Variants in FAAH2 observed in about 807,000 individuals in gnomAD.
FAAH2 encodes the protein fatty-acid amide hydrolase 2.
In FAAH2, 60 loss-of-function variants were observed where a neutral mutation model predicts 36.9. The observed-to-expected ratio is 1.63, with a 90% CI of 1.32 to 2.02. The LOEUF (loss-of-function observed/expected upper bound fraction) is 2.02. Among genes scored for constraint, FAAH2 ranks in the 30% most tolerant of loss-of-function variants. FAAH2 has a pLI of 0.00. For synonymous variants in FAAH2, 214 were observed against 143.8 expected (o/e 1.49, Z -3.49); for missense variants, 689 against 397.5 (o/e 1.73, Z -6.23).
intron 7 of FAAH2, among the ~76,000 whole-genome samples, chrX:57,385,615 C>T (rs1282581638): frequency 8.9e-6 from 1 of 111,831 alleles, no homozygotes; most frequent in Non-Finnish European, 1.9e-5. Context: ...GGCCTAATCA[C>T]TTCTTTAGGG....
chrX:57,382,763 A>T (rs1235684319), intron 7 of FAAH2, among the ~76,000 whole-genome samples: 2 of 111,425 alleles, frequency 1.8e-5, no homozygotes, highest in Non-Finnish European at 3.8e-5. Flanking sequence ...AGGAGCTGGT[A>T]CCATTCCTTC....
intron 2 of FAAH2, among the ~76,000 whole-genome samples, chrX:57,300,148 A>T (rs79154063): frequency 0.36 from 39,957 of 110,394 alleles, 6,216 homozygotes; most frequent in Middle Eastern, 0.61. Flanking sequence ...CGCATTGCCA[A>T]GTCAATCCTA....
At chrX:57,211,254 T>C in the FAAH2 span, among the ~76,000 whole-genome samples, 1 of 112,191 alleles carries the variant, frequency 8.9e-6, no homozygotes, top group East Asian at 2.8e-4. Context: ...CACTACCACC[T>C]TTGGAGCCCA....
At chrX:57,351,693 A>G (rs1381861148) in intron 5 of FAAH2, among the ~76,000 whole-genome samples, 1 of 109,210 alleles carries the variant, frequency 9.2e-6, no homozygotes, top group Non-Finnish European at 1.9e-5. Context: ...CTATTATGAA[A>G]ACTGTATGCT....
At chrX:57,191,622 G>T in the FAAH2 span, among the ~76,000 whole-genome samples, 1 of 111,716 alleles carries the variant, frequency 9.0e-6, no homozygotes, top group Non-Finnish European at 1.9e-5. Flanking sequence ...ATAGTTTGAG[G>T]TCTCATTGAA....
intron 10 of FAAH2, among the ~76,000 whole-genome samples, chrX:57,469,968 T>C (rs181093694): frequency 2.6e-4 from 29 of 111,702 alleles, no homozygotes; most frequent in Admixed American, 2.4e-3. Context: ...CTCAGCTACA[T>C]GGAAACTGAA....
rs371096858 is a variant in FAAH2 at position 57,478,243 on chromosome X, T to C, written c.1424-10514T>C. ...TATGCATTTCTCTGATGGCCAGTAATGGTGAGCATTTTTTCATGTGTTTTT... is the reference window on the plus strand; with the variant it reads ...TATGCATTTCTCTGATGGCCAGTAACGGTGAGCATTTTTTCATGTGTTTTT... On this transcript the variant is annotated intron_variant, in intron 10 of 10. Coordinates refer to ENST00000374900, the MANE Select transcript of FAAH2 (RefSeq NM_174912.4). 4.5e-5 allele frequency among the ~76,000 whole-genome samples: 5 copies of C among 112,153 alleles called. No homozygotes were observed. In the East Asian group the frequency reaches 1.1e-3, roughly 25 times the overall value.
chrX:57,144,906 A>G, the FAAH2 span, among the ~76,000 whole-genome samples: 1 of 92,434 alleles, frequency 1.1e-5, no homozygotes, highest in African/African-American at 5.0e-5. Context: ...ATATGTATGT[A>G]TATGTATGTG....
chrX:57,200,116 T>C, the FAAH2 span, among the ~76,000 whole-genome samples: 1 of 110,618 alleles, frequency 9.0e-6, no homozygotes, highest in East Asian at 2.8e-4. Flanking sequence ...AAGGATTTAC[T>C]CCTGCCATTT....
At chrX:57,229,103 A>T in the FAAH2 span, 1 of 52,754 alleles carries the variant, frequency 1.9e-5, no homozygotes, top group African/African-American at 1.6e-4. Flanking sequence ...AAATGAGGTA[A>T]AAAAAAAATA....
At chrX:57,400,582 T>C (rs1386030161) in intron 7 of FAAH2, among the ~76,000 whole-genome samples, 1 of 112,300 alleles carries the variant, frequency 8.9e-6, no homozygotes, top group Non-Finnish European at 1.9e-5. Flanking sequence ...AATTAGTGTG[T>C]ATAATGGCCT....
Position 57,378,612 on chromosome X carries a change from C to A in FAAH2, c.743-39C>A, listed in dbSNP as rs190016121. Reference sequence around the variant, plus strand: ...GAAATACAACATGCAGGGATCATGTCTTATTTTGGGCGGCTAACCTGACTG... The same window carrying A: ...GAAATACAACATGCAGGGATCATGTATTATTTTGGGCGGCTAACCTGACTG... On this transcript the variant is annotated intron_variant, in intron 5 of 10. Coordinates refer to ENST00000374900, the MANE Select transcript of FAAH2 (RefSeq NM_174912.4). The A allele has an allele frequency of 2.0e-3, 2,441 of 1,204,270 alleles. 2 individuals carry two copies. Among genetic ancestry groups the A allele is most frequent in the Non-Finnish European group, 2.5e-3 (2,243 of 891,728 alleles).
intron 5 of FAAH2, among the ~76,000 whole-genome samples, chrX:57,374,681 C>T (rs1488956849): frequency 9.0e-6 from 1 of 111,374 alleles, no homozygotes; most frequent in African/African-American, 3.3e-5. Context: ...TCCTCTTTAC[C>T]GATTTGGATG....
chrX:57,412,729 G>T (rs760207325), intron 7 of FAAH2, among the ~76,000 whole-genome samples: 19 of 111,687 alleles, frequency 1.7e-4, no homozygotes, highest in Non-Finnish European at 3.0e-4. Flanking sequence ...AATCCTTTGG[G>T]TATATACCCA....
chrX:57,460,588 G>T (rs778240886), intron 10 of FAAH2, among the ~76,000 whole-genome samples: 12 of 111,810 alleles, frequency 1.1e-4, no homozygotes, highest in East Asian at 5.6e-4. Flanking sequence ...ATCCTTTCCA[G>T]ACAAGCAAAT....
At chrX:57,301,670 A>AT (rs2052377096) in intron 2 of FAAH2, among the ~76,000 whole-genome samples, 1 of 109,806 alleles carries the variant, frequency 9.1e-6, no homozygotes, top group South Asian at 3.8e-4. Flanking sequence ...ATAAAATCTA[A>AT]TAAAAAAATG....
chrX:57,173,040 G>A, the FAAH2 span, among the ~76,000 whole-genome samples: 4 of 111,573 alleles, frequency 3.6e-5, no homozygotes, highest in Non-Finnish European at 7.5e-5. Context: ...ACCCTATCCA[G>A]GGACCATGCC....
the FAAH2 span, among the ~76,000 whole-genome samples, chrX:57,179,441 A>G: frequency 3.6e-5 from 4 of 111,970 alleles, no homozygotes; most frequent in Admixed American, 9.5e-5. Flanking sequence ...CTACCAAACA[A>G]ATGGAAATCA....
the FAAH2 span, among the ~76,000 whole-genome samples, chrX:57,149,053 G>T: frequency 2.7e-5 from 3 of 111,840 alleles, no homozygotes; most frequent in East Asian, 8.4e-4. Context: ...TTATATGCTG[G>T]ATTACATTTA....
Sources: gnomAD v4.1 joint callset for allele counts (sites outside exome capture counted in the v4.1 genomes callset) on GRCh38, gnomAD v4.1.1 for gene constraint, MANE v1.5 for transcripts, NCBI Gene and HGNC (gene_info 2026-07-23, HGNC 2026-07-21) for gene names.